C10orf90: variants seen among roughly 807,000 people sequenced by gnomAD.
C10orf90 encodes (E2-independent) E3 ubiquitin-conjugating enzyme FATS.
A neutral mutation model predicts 62.5 loss-of-function variants in C10orf90; 56 were observed. The ratio of observed to expected loss-of-function variants is 0.90; its 90% CI spans 0.72 to 1.12. The LOEUF is 1.12. C10orf90 is among the 50% of genes most tolerant of loss of function. The probability of loss-of-function intolerance (pLI) is 0.00; values close to 1 mark genes in which losing one functional copy is unlikely to be tolerated. For missense variants in C10orf90, 970 were observed against 880.4 expected (o/e 1.10, Z -1.29); for synonymous variants, 386 against 340.4 (o/e 1.13, Z -1.47).
intron 1 of C10orf90, among the ~76,000 whole-genome samples, chr10:126,662,648 ACT>A (rs1358895987): frequency 6.6e-6 from 1 of 151,438 alleles, no homozygotes; most frequent in Non-Finnish European, 1.5e-5. Flanking sequence ...ATTTGCCTAT[ACT>A]CTCTCTGTCC....
intron 5 of C10orf90, among the ~76,000 whole-genome samples, chr10:126,462,278 C>T (rs11817919): frequency 0.012 from 1,892 of 152,172 alleles, 40 homozygotes; most frequent in African/African-American, 0.044. Context: ...CCCATATGAG[C>T]CCCACTACTT....
intron 2 of C10orf90, among the ~76,000 whole-genome samples, chr10:126,538,061 G>A (rs746924485): frequency 2.0e-5 from 3 of 152,310 alleles, no homozygotes; most frequent in South Asian, 2.1e-4. Flanking sequence ...CTAAGACTGG[G>A]TAATTTACAA....
chr10:126,572,654 A>G (rs1844530637), intron 2 of C10orf90, among the ~76,000 whole-genome samples: 1 of 152,132 alleles, frequency 6.6e-6, no homozygotes, highest in Non-Finnish European at 1.5e-5. Context: ...AACTTGTTCT[A>G]TCAGCAAGGT....
chr10:126,485,520 G>T (rs1293320292), intron 4 of C10orf90, among the ~76,000 whole-genome samples: 2 of 152,054 alleles, frequency 1.3e-5, no homozygotes, highest in Non-Finnish European at 2.9e-5. Context: ...GAGCAAAAAA[G>T]TCCTAACTTT....
At chr10:126,658,161 C>T (rs1846435218) in intron 1 of C10orf90, among the ~76,000 whole-genome samples, 1 of 152,208 alleles carries the variant, frequency 6.6e-6, no homozygotes, top group African/African-American at 2.4e-5. Flanking sequence ...TGAGGTCCCG[C>T]TTCCCATTGG....
intron 2 of C10orf90, among the ~76,000 whole-genome samples, chr10:126,515,212 C>T (rs545970776): frequency 6.6e-6 from 1 of 152,316 alleles, no homozygotes; most frequent in South Asian, 2.1e-4. Context: ...CTGTAGCCAT[C>T]AGAACGTTGT....
chr10:126,492,791 A>G (rs1861834326), intron 4 of C10orf90, among the ~76,000 whole-genome samples: 1 of 152,244 alleles, frequency 6.6e-6, no homozygotes, highest in South Asian at 2.1e-4. Flanking sequence ...CATGTTTAAG[A>G]AAGCTGATAT....
At chr10:126,457,312 G>A (rs968856441) in intron 7 of C10orf90, among the ~76,000 whole-genome samples, 5 of 152,188 alleles carry the variant, frequency 3.3e-5, no homozygotes, top group Non-Finnish European at 5.9e-5. Context: ...TTAAGCCCCT[G>A]TGTTTGGTGA....
intron 2 of C10orf90, among the ~76,000 whole-genome samples, chr10:126,593,922 G>A (rs1321854111): frequency 1.3e-5 from 2 of 151,966 alleles, no homozygotes; most frequent in African/African-American, 4.8e-5. Context: ...GCATGGAGGG[G>A]CAGGAAAGAC....
intron 2 of C10orf90, among the ~76,000 whole-genome samples, chr10:126,597,751 C>T (rs1000609032): frequency 4.6e-5 from 7 of 152,276 alleles, no homozygotes; most frequent in African/African-American, 1.7e-4. Flanking sequence ...AATTATTCTA[C>T]TCATCCCTAT....
At chr10:126,544,705 T>C (rs140472239) in intron 2 of C10orf90, among the ~76,000 whole-genome samples, 5 of 152,282 alleles carry the variant, frequency 3.3e-5, no homozygotes, top group African/African-American at 7.2e-5. Context: ...TGCTGCAGAA[T>C]TGATTTTTCT....
At position 126,464,774 on chromosome 10, in the gene C10orf90, A is replaced by C. The variant is rs1420660815; in HGVS notation, c.1747T>G (p.Phe583Val). The C allele has an allele frequency of 5.6e-6, 9 of 1,613,916 alleles. No homozygotes were observed. Among genetic ancestry groups the C allele is most frequent in the Non-Finnish European group, 7.6e-6 (9 of 1,180,010 alleles). Residue 583 changes from phenylalanine to valine, a missense_variant, in exon 5 of 10, where the codon TTT (phenylalanine) becomes GTT (valine). By Grantham distance (50) the Phe-to-Val change is conservative. Coordinates refer to ENST00000488181, the MANE Select transcript of C10orf90 (RefSeq NM_001350921.2). Reference sequence around the variant, plus strand: ...CATACATCTTGTAAGGGGCAAAGAAACCCAGGAAAAAGGATTCTGGGTTTC... The same window carrying C: ...CATACATCTTGTAAGGGGCAAAGAACCCCAGGAAAAAGGATTCTGGGTTTC... ...FLKPRILFPG[F>V]LCPLQDVCAS...
intron 2 of C10orf90, among the ~76,000 whole-genome samples, chr10:126,561,567 G>A (rs573288666): frequency 6.6e-5 from 10 of 152,144 alleles, no homozygotes; most frequent in East Asian, 1.9e-4. Flanking sequence ...TGACAAAAAC[G>A]AAAGCAGATT....
rs142028024 is a variant in C10orf90 at position 126,461,461 on chromosome 10, A to G, written c.1950T>C (p.Pro650=). The change falls in exon 6 of 10, where the codon CCT becomes CCC. Residue 650 remains proline, a synonymous_variant. Coordinates refer to ENST00000488181, the MANE Select transcript of C10orf90 (RefSeq NM_001350921.2). The part of the protein sequence containing the change: ...SPAPRDGAGS[P]GLSEDCSESQ... Reference sequence around the variant, plus strand: ...ACTCAGAACAGTCTTCGGACAGGCCAGGGCTCCCTGCTCCATCGCGGGGTG... The same window carrying G: ...ACTCAGAACAGTCTTCGGACAGGCCGGGGCTCCCTGCTCCATCGCGGGGTG... The G allele has an allele frequency of 3.4e-5, 55 of 1,614,078 alleles. No homozygotes were observed. The highest frequency in any genetic ancestry group is 4.5e-5 in the Non-Finnish European group (53 of 1,180,024).
At chr10:126,429,685 C>T in intron 8 of C10orf90, 102 bp downstream of exon 8, 2 of 907,400 alleles carry the variant, frequency 2.2e-6, no homozygotes, top group Non-Finnish European at 3.5e-6. Context: ...AGACCTTAAA[C>T]ATGGACCTAG....
At chr10:126,614,552 TG>T (rs1416679517) in intron 2 of C10orf90, among the ~76,000 whole-genome samples, 2 of 151,940 alleles carry the variant, frequency 1.3e-5, no homozygotes, top group Non-Finnish European at 2.9e-5. Context: ...CATGTGGGGG[TG>T]GATGTGGGCC....
intron 4 of C10orf90, among the ~76,000 whole-genome samples, chr10:126,484,721 T>C (rs1861337490): frequency 6.6e-6 from 1 of 152,152 alleles, no homozygotes; most frequent in South Asian, 2.1e-4. Flanking sequence ...TCCAGGAATA[T>C]AGCTTAAGAA....
chr10:126,620,022 C>G (rs1277953999), intron 2 of C10orf90, among the ~76,000 whole-genome samples: 2 of 151,982 alleles, frequency 1.3e-5, no homozygotes, highest in African/African-American at 4.8e-5. Context: ...AATCTATTAT[C>G]TAATATATAT....
At chr10:126,502,897 A>G (rs1862487787) in intron 4 of C10orf90, 1 of 482,046 alleles carries the variant, frequency 2.1e-6, no homozygotes, top group East Asian at 5.8e-5. Context: ...TGCCTTAAAA[A>G]TCTCTGAGCA....
Sources: allele counts gnomAD v4.1 joint callset (sites outside exome capture counted in the v4.1 genomes callset), GRCh38; gene constraint gnomAD v4.1.1; transcripts MANE v1.5; gene names NCBI Gene and HGNC (gene_info 2026-07-23, HGNC 2026-07-21).